The following MAMDC2 variants were observed in gnomAD, a reference collection of about 807,000 sequenced individuals.
MAMDC2 encodes the protein MAM domain containing 2.
In MAMDC2, 57 loss-of-function variants were observed where a neutral mutation model predicts 89.8. The observed-to-expected ratio is 0.63, with a 90% CI of 0.51 to 0.79. The LOEUF is 0.79. Among genes scored for constraint, MAMDC2 ranks in the 30% least tolerant of loss-of-function variants. The pLI is 0.00. For missense variants in MAMDC2, 800 were observed against 820.6 expected, an observed-to-expected ratio of 0.97 and a Z score of 0.31; for synonymous variants, 313 against 293.4, an observed-to-expected ratio of 1.07 and a Z score of -0.68.
chr9:70,072,631 G>C (rs1827434756), intron 2 of MAMDC2, among the ~76,000 whole-genome samples: 1 of 152,058 alleles, frequency 6.6e-6, no homozygotes, highest in South Asian at 2.1e-4. Flanking sequence ...AAAAAGTTAA[G>C]TAACTTGCCC....
intron 11 of MAMDC2, among the ~76,000 whole-genome samples, chr9:70,206,677 C>T (rs12343885): frequency 0.13 from 20,299 of 151,934 alleles, 1,646 homozygotes; most frequent in African/African-American, 0.23. Flanking sequence ...ATGTGCACAA[C>T]GTACACATTT....
chr9:70,093,474 G>A (rs1043918334), intron 2 of MAMDC2, among the ~76,000 whole-genome samples: 20 of 150,986 alleles, frequency 1.3e-4, no homozygotes, highest in African/African-American at 4.9e-4. Flanking sequence ...GCCCAGGCTG[G>A]AGTGGCAGTG....
Position 70,092,884 on chromosome 9 carries a change from TATC to T in MAMDC2, c.149-15326_149-15324del, listed in dbSNP as rs1234132669. On this transcript the variant is annotated intron_variant, in intron 2 of 13. Coordinates refer to ENST00000377182, the MANE Select transcript of MAMDC2 (RefSeq NM_153267.5). ...CTTACGCTCCCACCATCGTAAGTCATATCTTCTCTATAATGCAATGAAATGAAA... is the reference window on the plus strand; with the variant it reads ...CTTACGCTCCCACCATCGTAAGTCATTTCTCTATAATGCAATGAAATGAAA... 6.6e-5 allele frequency: 10 copies of T among 152,232 alleles called. No individual in the cohort carries two copies. The East Asian group carries it at 1.9e-3, about 29-fold the overall frequency. The allele number at this position is 152,232 out of a possible 1,614,324, so 9.4% of individuals were successfully genotyped here. A position where few individuals can be genotyped will look rare whatever the true frequency, so the allele number is the denominator to read the frequency against.
At chr9:70,171,497 T>TC (rs2032346065) in intron 11 of MAMDC2, among the ~76,000 whole-genome samples, 1 of 151,984 alleles carries the variant, frequency 6.6e-6, no homozygotes, top group Non-Finnish European at 1.5e-5. Flanking sequence ...AGGCCCTGTC[T>TC]CGAAAAAAAT....
chr9:70,150,217 C>T (rs2031541574), intron 9 of MAMDC2, among the ~76,000 whole-genome samples: 1 of 152,188 alleles, frequency 6.6e-6, no homozygotes, highest in Admixed American at 6.5e-5. Context: ...GTACATGTTT[C>T]TCCAAAATTC....
intron 9 of MAMDC2, among the ~76,000 whole-genome samples, chr9:70,149,173 A>C (rs2031505558): frequency 1.4e-5 from 2 of 145,194 alleles, no homozygotes. Context: ...CAAGATTTGC[A>C]CTCCAGCCTG....
chr9:70,150,102 T>C (rs1429820129), intron 9 of MAMDC2, among the ~76,000 whole-genome samples: 1 of 152,196 alleles, frequency 6.6e-6, no homozygotes, highest in Non-Finnish European at 1.5e-5. Flanking sequence ...GTGTACCCTG[T>C]AAGCCAGGAA....
chr9:70,174,821 T>G (rs996407688), intron 11 of MAMDC2, among the ~76,000 whole-genome samples: 6 of 151,170 alleles, frequency 4.0e-5, no homozygotes, highest in Admixed American at 3.3e-4. Flanking sequence ...ACCTCCCGGG[T>G]TCAAGCAATT....
In MAMDC2 at chr9:70,140,354, C is replaced by T. The variant is rs1019704390; in HGVS notation, c.1138+66C>T. ...TCGTGAGCTTTATTGGCCATTCCTA[C>T]TTCACACCTGCAAAGACATCGACTT... On this transcript the variant is annotated intron_variant, in intron 8 of 13. Transcript: ENST00000377182. 66 of 1,474,644 alleles carry T rather than the reference C, an allele frequency of 4.5e-5. No individual in the cohort carries two copies. In the South Asian group the frequency reaches 5.4e-4, roughly 12 times the overall value. 91.3% of individuals were successfully genotyped at this position (1,474,644 alleles called of 1,614,324 possible).
chr9:70,116,697 GAAAA>G (rs34849432), intron 5 of MAMDC2, among the ~76,000 whole-genome samples: 2 of 112,868 alleles, frequency 1.8e-5, no homozygotes, highest in African/African-American at 7.2e-5. Flanking sequence ...TTTGGCATTA[GAAAA>G]AAAAAAAAAA....
At chr9:70,132,400 G>A (rs2030844115) in intron 7 of MAMDC2, among the ~76,000 whole-genome samples, 1 of 152,120 alleles carries the variant, frequency 6.6e-6, no homozygotes, top group South Asian at 2.1e-4. Context: ...TTATTAGTGA[G>A]CCCTTATTCT....
chr9:70,203,300 C>T (rs1242259678), intron 11 of MAMDC2, among the ~76,000 whole-genome samples: 6 of 151,142 alleles, frequency 4.0e-5, no homozygotes, highest in African/African-American at 1.5e-4. Context: ...TATTTTATTT[C>T]TCCTTCACTT....
At chr9:70,181,752 T>G (rs186282642) in intron 11 of MAMDC2, among the ~76,000 whole-genome samples, 7 of 152,214 alleles carry the variant, frequency 4.6e-5, no homozygotes, top group African/African-American at 1.7e-4. Context: ...AAGGAGTTTT[T>G]GGGCTGAGAC....
chr9:70,221,380 T>TATATAGAGAGAGAGAGAGAGAGAG, intron 12 of MAMDC2, among the ~76,000 whole-genome samples: 1 of 7,044 alleles, frequency 1.4e-4, no homozygotes. Flanking sequence ...TATATATATA[T>TATATAGAGAGAGAGAGAGAGAGAG]AGAGAGAGAG....
intron 11 of MAMDC2, 129 bp downstream of exon 11, chr9:70,170,760 A>T: frequency 1.2e-6 from 1 of 817,798 alleles, no homozygotes; most frequent in East Asian, 2.9e-5. Flanking sequence ...TTGTGATTCT[A>T]CACACACAGG....
intron 2 of MAMDC2, among the ~76,000 whole-genome samples, chr9:70,085,148 G>A (rs1363891725): frequency 6.6e-6 from 1 of 152,048 alleles, no homozygotes; most frequent in Non-Finnish European, 1.5e-5. Flanking sequence ...ATGATCTTCT[G>A]TTCCCAAATT....
intron 2 of MAMDC2, among the ~76,000 whole-genome samples, chr9:70,077,489 T>C (rs936446293): frequency 6.6e-6 from 1 of 152,242 alleles, no homozygotes; most frequent in Non-Finnish European, 1.5e-5. Flanking sequence ...CTGGTATGAC[T>C]GAGAAACAAA....
At chr9:70,044,863 G>A (rs1826707539) in intron 2 of MAMDC2, among the ~76,000 whole-genome samples, 166 bp downstream of exon 2, 1 of 152,252 alleles carries the variant, frequency 6.6e-6, no homozygotes, top group Admixed American at 6.5e-5. Context: ...AGGGATGGCC[G>A]AGGCAGGAAC....
At chr9:70,149,514 T>G (rs2031516681) in intron 9 of MAMDC2, among the ~76,000 whole-genome samples, 1 of 152,148 alleles carries the variant, frequency 6.6e-6, no homozygotes, top group Non-Finnish European at 1.5e-5. Flanking sequence ...AGTCCCATAT[T>G]GATTGGTCAT....
Sources: allele counts gnomAD v4.1 joint callset (sites outside exome capture counted in the v4.1 genomes callset), GRCh38; gene constraint gnomAD v4.1.1; transcripts MANE v1.5; gene names NCBI Gene and HGNC (gene_info 2026-07-23, HGNC 2026-07-21).